Variants in CPHXL2 observed in about 807,000 individuals in gnomAD.
CPHXL2 encodes cytoplasmic polyadenylated homeobox-like protein 2.
chr16:75,664,202 C>G, the CPHXL2 span, among the ~76,000 whole-genome samples: 1 of 152,280 alleles, frequency 6.6e-6, no homozygotes, highest in African/African-American at 2.4e-5. Context: ...TGTATAAAAC[C>G]AAGTTGTGGC....
At chr16:75,663,926 A>G in the CPHXL2 span, among the ~76,000 whole-genome samples, 1 of 148,060 alleles carries the variant, frequency 6.8e-6, no homozygotes, top group African/African-American at 2.6e-5. Flanking sequence ...CATACTCTTC[A>G]AGTCTGATAA....
the CPHXL2 span, among the ~76,000 whole-genome samples, chr16:75,664,394 G>C: frequency 1.6e-3 from 245 of 152,244 alleles, no homozygotes; most frequent in African/African-American, 5.8e-3. Flanking sequence ...TGGAGGCCGA[G>C]GTGGGCAGAT....
At chr16:75,662,631 G>C in the CPHXL2 span, among the ~76,000 whole-genome samples, 2 of 151,964 alleles carry the variant, frequency 1.3e-5, no homozygotes, top group Admixed American at 1.3e-4. Flanking sequence ...TATATATTTA[G>C]AATAACCCTA....
the CPHXL2 span, chr16:75,669,359 T>C: frequency 2.5e-6 from 1 of 400,612 alleles, no homozygotes; most frequent in Non-Finnish European, 4.4e-6. Flanking sequence ...GAGGTTGAAC[T>C]TACGTTTATC....
the CPHXL2 span, among the ~76,000 whole-genome samples, chr16:75,665,649 G>C: frequency 6.6e-6 from 1 of 152,182 alleles, no homozygotes; most frequent in Non-Finnish European, 1.5e-5. Context: ...GATCACTTGA[G>C]GTCAAGAGTT....
At chr16:75,660,626 C>G in the CPHXL2 span, 3 of 398,484 alleles carry the variant, frequency 7.5e-6, no homozygotes, top group East Asian at 7.1e-5. Flanking sequence ...GCTGTTCTTG[C>G]AGCAGTGAGA....
the CPHXL2 span, among the ~76,000 whole-genome samples, chr16:75,663,712 T>C: frequency 6.6e-6 from 1 of 151,452 alleles, no homozygotes; most frequent in Non-Finnish European, 1.5e-5. Flanking sequence ...TGAAACCCTG[T>C]CTCTACTAAA....
At chr16:75,672,533 C>A in the CPHXL2 span, among the ~76,000 whole-genome samples, 2 of 152,068 alleles carry the variant, frequency 1.3e-5, no homozygotes, top group Non-Finnish European at 2.9e-5. Context: ...CTCTGTCCAC[C>A]CAAGCTGTAG....
the CPHXL2 span, among the ~76,000 whole-genome samples, chr16:75,673,296 A>G: frequency 6.6e-6 from 1 of 151,386 alleles, no homozygotes; most frequent in East Asian, 2.0e-4. Context: ...TTAGCTGGGC[A>G]TGGAGGCACA....
chr16:75,663,573 TCC>T, the CPHXL2 span, among the ~76,000 whole-genome samples: 9 of 152,180 alleles, frequency 5.9e-5, no homozygotes, highest in South Asian at 1.2e-3. Context: ...TAAAACAGTC[TCC>T]TCAAGTATGA....
chr16:75,665,788 C>T, the CPHXL2 span, among the ~76,000 whole-genome samples: 2 of 152,178 alleles, frequency 1.3e-5, no homozygotes, highest in South Asian at 2.1e-4. Flanking sequence ...TCACTGGAAC[C>T]GGGGAGGAAG....
the CPHXL2 span, among the ~76,000 whole-genome samples, chr16:75,676,152 G>A: frequency 6.6e-6 from 1 of 152,068 alleles, no homozygotes; most frequent in Admixed American, 6.6e-5. Flanking sequence ...CCATCCAGGG[G>A]TCATCAATAA....
chr16:75,676,165 A>G, the CPHXL2 span, among the ~76,000 whole-genome samples: 2 of 152,214 alleles, frequency 1.3e-5, no homozygotes, highest in Non-Finnish European at 2.9e-5. Flanking sequence ...ATCAATAACA[A>G]TAAACCTAAG....
At chr16:75,664,756 T>G in the CPHXL2 span, among the ~76,000 whole-genome samples, 1 of 152,054 alleles carries the variant, frequency 6.6e-6, no homozygotes, top group Admixed American at 6.6e-5. Context: ...CATGAATGGA[T>G]TAACACATTC....
the CPHXL2 span, among the ~76,000 whole-genome samples, chr16:75,670,383 C>G: frequency 6.6e-6 from 1 of 152,132 alleles, no homozygotes; most frequent in African/African-American, 2.4e-5. Context: ...CTGGGTGCCA[C>G]TAAGTTCTCT....
At chr16:75,674,944 A>C in the CPHXL2 span, among the ~76,000 whole-genome samples, 1 of 151,854 alleles carries the variant, frequency 6.6e-6, no homozygotes, top group African/African-American at 2.4e-5. Flanking sequence ...TAATCTCAGC[A>C]CTTCGGGAGG....
chr16:75,676,561 A>G, the CPHXL2 span, among the ~76,000 whole-genome samples: 1 of 152,170 alleles, frequency 6.6e-6, no homozygotes, highest in Non-Finnish European at 1.5e-5. Flanking sequence ...GACTCAAGCT[A>G]TCCTCCCACC....
the CPHXL2 span, among the ~76,000 whole-genome samples, chr16:75,672,963 C>T: frequency 6.6e-6 from 1 of 151,604 alleles, no homozygotes; most frequent in Non-Finnish European, 1.5e-5. Flanking sequence ...GCCTGTATTC[C>T]TAGCTACTCC....
chr16:75,674,229 C>CGGG, the CPHXL2 span, among the ~76,000 whole-genome samples: 2,998 of 150,398 alleles, frequency 0.02, 111 homozygotes, highest in African/African-American at 0.069. Context: ...AAAAATTAGC[C>CGGG]GGGTGTGGTG....
Sources: gnomAD v4.1 joint callset for allele counts (sites outside exome capture counted in the v4.1 genomes callset) on GRCh38, gnomAD v4.1.1 for gene constraint, MANE v1.5 for transcripts, NCBI Gene and HGNC (gene_info 2026-07-23, HGNC 2026-07-21) for gene names.